MYT1: variants seen among roughly 807,000 people sequenced by gnomAD.
MYT1 encodes the protein myelin transcription factor 1.
MYT1 carries 23 observed loss-of-function variants against 123.0 expected under a neutral mutation model. The observed-to-expected ratio is 0.19, with a 90% confidence interval of 0.13 to 0.26. The LOEUF (loss-of-function observed/expected upper bound fraction) is 0.26, where lower values mean the gene tolerates loss of function less well. Among genes scored for constraint, MYT1 ranks in the 10% least tolerant of loss-of-function variants. The pLI is 1.00. For synonymous variants in MYT1, 518 were observed against 575.3 expected (o/e 0.90, Z 1.43); for missense variants, 1,125 against 1,472.5 (o/e 0.76, Z 3.86).
chr20:64,217,897 C>G (rs1283117978), intron 11 of MYT1, among the ~76,000 whole-genome samples: 1 of 152,378 alleles, frequency 6.6e-6, no homozygotes, highest in Non-Finnish European at 1.5e-5. Flanking sequence ...TCCTTTCTGT[C>G]TTGTCTTGTC....
At chr20:64,209,314 G>A (rs1428066748) in intron 7 of MYT1, among the ~76,000 whole-genome samples, 1 of 152,232 alleles carries the variant, frequency 6.6e-6, no homozygotes, top group Non-Finnish European at 1.5e-5. Flanking sequence ...TGGGGAGCAG[G>A]GCTGGCCAGG....
intron 19 of MYT1, among the ~76,000 whole-genome samples, chr20:64,235,780 ATGGCTGTGGTGGGTGACACTGGGC>A (rs1448108423): frequency 0.24 from 12,392 of 50,854 alleles, 2,106 homozygotes; most frequent in African/African-American, 0.37. Context: ...TGACCCTGGG[ATGGCTGTGGTGGGTGACACTGGGC>A]TGGCTGTGGT....
intron 16 of MYT1, among the ~76,000 whole-genome samples, chr20:64,227,130 C>T (rs1002470721): frequency 6.6e-6 from 1 of 152,362 alleles, no homozygotes; most frequent in Admixed American, 6.5e-5. Context: ...TGGGTGTAAA[C>T]CGATGCTGGA....
intron 19 of MYT1, among the ~76,000 whole-genome samples, chr20:64,234,453 A>C (rs1984435562): frequency 2.0e-5 from 3 of 152,308 alleles, no homozygotes; most frequent in South Asian, 4.1e-4. Flanking sequence ...TGAGCTCTGG[A>C]GTGTCCCCTT....
At chr20:64,224,640 G>T (rs1984115113) in intron 16 of MYT1, among the ~76,000 whole-genome samples, 3 of 152,198 alleles carry the variant, frequency 2.0e-5, no homozygotes, top group African/African-American at 7.2e-5. Flanking sequence ...CGCCCACTTT[G>T]TCTAGTCCTA....
At position 64,191,490 on chromosome 20, in the gene MYT1, C is replaced by A. The variant is rs1273226497; in HGVS notation, c.-1+1330C>A. 1 of 152,232 alleles carries A rather than the reference C, an allele frequency of 6.6e-6. No individual in the cohort carries two copies. Among genetic ancestry groups the A allele is most frequent in the Admixed American group, 6.5e-5 (1 of 15,278 alleles). The allele number at this position is 152,232 out of a possible 1,614,324, so 9.4% of individuals were successfully genotyped here. A position where few individuals can be genotyped will look rare whatever the true frequency, so the allele number is the denominator to read the frequency against. ...CTTTTTTCTTTTTTGCATGTAGATG[C>A]TCTCCAGCAAGGATCCAGCTGTGAC... On this transcript the variant is annotated intron_variant, in intron 2 of 22. Coordinates refer to ENST00000328439, the MANE Select transcript of MYT1 (RefSeq NM_004535.3). This position sits in a 1 kb window ranked among gnomAD's most constrained non-coding sequence, Gnocchi z 4.1.
At chr20:64,199,758 A>C in intron 3 of MYT1, 134 bp from the exon 4 acceptor site, 1 of 1,005,164 alleles carries the variant, frequency 9.9e-7, no homozygotes. Context: ...GAAACGGCTC[A>C]GGTCTCACTG....
Position 64,212,858 on chromosome 20 carries a change from A to G in MYT1, c.1518-676A>G, listed in dbSNP as rs1371332206. Among the ~76,000 whole-genome samples, 2 of 152,064 alleles carry G rather than the reference A, an allele frequency of 1.3e-5. No homozygotes were observed. Among genetic ancestry groups the G allele is most frequent in the South Asian group, 2.1e-4 (1 of 4,812 alleles). On this transcript the variant is annotated intron_variant, in intron 9 of 22. Coordinates refer to ENST00000328439, the MANE Select transcript of MYT1 (RefSeq NM_004535.3). The surrounding 1 kb of genome is among the most constrained non-coding windows in gnomAD (Gnocchi z 6.8). ...TGGGTGGCCGTGGCCTCGGTGGGAT[A>G]TGCTTTCCCCCAGCAGGCTTATGCT...
In MYT1 at chr20:64,239,887, T is replaced by A; in HGVS notation, c.3221T>A (p.Ile1074Asn). The stretch of plus-strand genomic sequence containing the variant: ...GCCCTCATCCAAAGTCTCGCCAATA[T>A]CCGCCTTCCGCACATGGTAGGCAGC... The part of the protein sequence containing the change: ...SQALIQSLAN[I>N]RLPHMEPICE... Residue 1074 changes from isoleucine (I) to asparagine (N), a missense_variant, in exon 22 of 23, where the codon ATC (isoleucine) becomes AAC (asparagine). Transcript: ENST00000328439. 6.2e-7 allele frequency: 1 copy of A among 1,613,022 alleles called. No individual in the cohort carries two copies. The highest frequency in any genetic ancestry group is 8.5e-7 in the Non-Finnish European group (1 of 1,180,018).
chr20:64,206,161 T>A (rs1175116558), intron 6 of MYT1, among the ~76,000 whole-genome samples: 1 of 151,580 alleles, frequency 6.6e-6, no homozygotes, highest in Non-Finnish European at 1.5e-5. Context: ...GAAGGGAGGA[T>A]CTTAGACTGG....
rs905113443 is a variant in MYT1 at position 64,202,151 on chromosome 20, C to T, written c.86+2229C>T. Among the ~76,000 whole-genome samples the T allele has an allele frequency of 2.6e-5, 4 of 152,214 alleles. No individual in the cohort carries two copies. Among genetic ancestry groups the T allele is most frequent in the Non-Finnish European group, 5.9e-5 (4 of 68,040 alleles). On this transcript the variant is annotated intron_variant, in intron 4 of 22. Coordinates refer to ENST00000328439, the MANE Select transcript of MYT1 (RefSeq NM_004535.3). The surrounding 1 kb of genome is among the most constrained non-coding windows in gnomAD (Gnocchi z 5.0). ...GCCTGCAGTGCCCCTAACCCCAGCT[C>T]GCCTCCCCACCAGCTCAGGCAGAGC...
chr20:64,214,044 C>T (rs941559602), intron 10 of MYT1, among the ~76,000 whole-genome samples: 4 of 152,212 alleles, frequency 2.6e-5, no homozygotes, highest in Admixed American at 2.6e-4. Flanking sequence ...CCAAGGACCA[C>T]GGACGTCCAG....
Position 64,203,735 on chromosome 20 carries a change from G to A in MYT1, c.87-1300G>A, listed in dbSNP as rs1983394832. On this transcript the variant is annotated intron_variant, in intron 4 of 22. Coordinates refer to ENST00000328439, the MANE Select transcript of MYT1 (RefSeq NM_004535.3). This position sits in a 1 kb window ranked among gnomAD's most constrained non-coding sequence, Gnocchi z 5.1. ...CAGAGGTAGTCGGGGAGGGTGGCCT[G>A]CAAGCCCACTGGGCCCCACAGTTGT... Among the ~76,000 whole-genome samples the A allele has an allele frequency of 6.6e-6, 1 of 152,226 alleles. No homozygotes were observed. The highest frequency in any genetic ancestry group is 1.5e-5 in the Non-Finnish European group (1 of 68,044).
intron 16 of MYT1, among the ~76,000 whole-genome samples, chr20:64,225,056 T>C (rs1984128733): frequency 6.6e-6 from 1 of 152,170 alleles, no homozygotes; most frequent in African/African-American, 2.4e-5. Flanking sequence ...CTCATCAGCA[T>C]CAGCAGGGTT....
At chr20:64,169,390 A>G (rs1333052746) in intron 1 of MYT1, among the ~76,000 whole-genome samples, 4 of 152,104 alleles carry the variant, frequency 2.6e-5, no homozygotes, top group African/African-American at 9.7e-5. Context: ...GGGTCTTTAC[A>G]CCTACAGGGT....
chr20:64,225,777 A>T (rs561489325), intron 16 of MYT1, among the ~76,000 whole-genome samples: 1 of 152,094 alleles, frequency 6.6e-6, no homozygotes, highest in African/African-American at 2.4e-5. Context: ...TCCTCTGACT[A>T]TGTGAGTACT....
At chr20:64,204,900 T>C in intron 4 of MYT1, 135 bp from the exon 5 acceptor site, 1 of 784,154 alleles carries the variant, frequency 1.3e-6, no homozygotes, top group South Asian at 1.7e-5. Context: ...AGTTATTAAT[T>C]TTCAGCAAAC....
At chr20:64,188,448 C>T (rs962183852) in intron 1 of MYT1, among the ~76,000 whole-genome samples, 1 of 152,146 alleles carries the variant, frequency 6.6e-6, no homozygotes, top group African/African-American at 2.4e-5. Flanking sequence ...ATCTTGTCTC[C>T]TGGGATAGAT....
intron 7 of MYT1, among the ~76,000 whole-genome samples, chr20:64,210,322 G>A (rs1355933827): frequency 2.0e-5 from 3 of 152,220 alleles, no homozygotes; most frequent in South Asian, 2.1e-4. Context: ...GTGAACGTGC[G>A]GTTCTGGTTC....
Sources: gnomAD v4.1 joint callset for allele counts (sites outside exome capture counted in the v4.1 genomes callset) on GRCh38, gnomAD v4.1.1 for gene constraint, Gnocchi (gnomAD v3.1) non-coding constraint, MANE v1.5 for transcripts, NCBI Gene and HGNC (gene_info 2026-07-23, HGNC 2026-07-21) for gene names.